CDK6: variants seen among roughly 807,000 people sequenced by gnomAD.
CDK6 encodes the protein cyclin dependent kinase 6.
Under a neutral mutation model 37.1 loss-of-function variants are expected in CDK6, and 6 were observed. The ratio of observed to expected loss-of-function variants is 0.16; its 90% confidence interval spans 0.09 to 0.32. CDK6 has a LOEUF of 0.32. CDK6 is among the 10% of genes least tolerant of loss of function. CDK6 has a pLI of 1.00. For missense variants in CDK6, 224 were observed against 418.9 expected (o/e 0.53, Z 4.06); for synonymous variants, 160 against 161.3 (o/e 0.99, Z 0.06).
intron 5 of CDK6, among the ~76,000 whole-genome samples, chr7:92,631,879 A>T (rs1421689561): frequency 6.6e-6 from 1 of 152,194 alleles, no homozygotes; most frequent in Non-Finnish European, 1.5e-5. Context: ...TAAGTGAGTC[A>T]AGTTTTCTCT....
intron 2 of CDK6, among the ~76,000 whole-genome samples, chr7:92,830,043 T>G (rs919764246): frequency 6.6e-6 from 1 of 152,210 alleles, no homozygotes; most frequent in African/African-American, 2.4e-5. Context: ...TCTCTATTGT[T>G]TTTAGTTCAG....
intron 4 of CDK6, among the ~76,000 whole-genome samples, chr7:92,680,014 C>T (rs985587285): frequency 2.6e-5 from 4 of 151,680 alleles, no homozygotes; most frequent in Admixed American, 6.6e-5. Flanking sequence ...CCATCGTGCC[C>T]GGCCATAATT....
intron 5 of CDK6, among the ~76,000 whole-genome samples, chr7:92,650,219 TACAC>T (rs1416180078): frequency 6.6e-6 from 1 of 152,216 alleles, no homozygotes; most frequent in African/African-American, 2.4e-5. Flanking sequence ...CACAGATACA[TACAC>T]ACTCATGTTT....
intron 4 of CDK6, among the ~76,000 whole-genome samples, chr7:92,704,812 T>G (rs1006530553): frequency 6.6e-6 from 1 of 152,210 alleles, no homozygotes; most frequent in Non-Finnish European, 1.5e-5. Context: ...ATATGACTCT[T>G]GGTACACATG....
At chr7:92,827,373 C>A (rs1169810345) in intron 2 of CDK6, among the ~76,000 whole-genome samples, 4 of 152,070 alleles carry the variant, frequency 2.6e-5, no homozygotes, top group Admixed American at 1.3e-4. Context: ...AGGAGATGGT[C>A]AAAAATGTTT....
chr7:92,714,651 T>C (rs1798181152), intron 4 of CDK6, among the ~76,000 whole-genome samples: 1 of 152,216 alleles, frequency 6.6e-6, no homozygotes, highest in South Asian at 2.1e-4. Context: ...GTCTTGATCT[T>C]TCATCCATTC....
At chr7:92,698,501 T>A (rs947086921) in intron 4 of CDK6, among the ~76,000 whole-genome samples, 1 of 152,190 alleles carries the variant, frequency 6.6e-6, no homozygotes, top group African/African-American at 2.4e-5. Context: ...TTCCCCCTTA[T>A]CTGTCCCTGT....
chr7:92,632,379 A>G (rs1796073001), intron 5 of CDK6, among the ~76,000 whole-genome samples: 1 of 152,212 alleles, frequency 6.6e-6, no homozygotes, highest in Admixed American at 6.6e-5. Context: ...ATTACAAATG[A>G]TCTAAAAATA....
chr7:92,740,867 C>A (rs1332373422), intron 3 of CDK6, among the ~76,000 whole-genome samples: 2 of 152,106 alleles, frequency 1.3e-5, no homozygotes, highest in African/African-American at 4.8e-5. Flanking sequence ...TCACCTCGTG[C>A]CCAGGTACAC....
Position 92,638,926 on chromosome 7 carries a change from AT to A in CDK6, c.648-15841del, listed in dbSNP as rs1796238181. Among the ~76,000 whole-genome samples, 3 of 152,032 alleles carry A rather than the reference AT, an allele frequency of 2.0e-5. No individual in the cohort carries two copies. The South Asian group carries it at 6.2e-4, about 32-fold the overall frequency. On this transcript the variant is annotated intron_variant, in intron 5 of 7. Coordinates refer to ENST00000424848, the MANE Select transcript of CDK6 (RefSeq NM_001145306.2). ...ATTTTTAGAAATAAATGTGAAAAAA[AT>A]GTAGATCTTAGAAACACTGCAATGT...
rs539060568 is a variant in CDK6 at position 92,739,430 on chromosome 7, C to A, written c.370-13637G>T. Among the ~76,000 whole-genome samples, 3 of 152,304 alleles carry A rather than the reference C, an allele frequency of 2.0e-5. No individual in the cohort carries two copies. The East Asian group carries it at 5.8e-4, about 29-fold the overall frequency. The stretch of plus-strand genomic sequence containing the variant: ...CTGTTCCAAAATAATAATACAGTTT[C>A]TTTACTCCCACCAAAACCTGTCCTT... On this transcript the variant is annotated intron_variant, in intron 3 of 7. Coordinates refer to ENST00000424848, the MANE Select transcript of CDK6 (RefSeq NM_001145306.2).
At chr7:92,758,019 T>G (rs894555729) in intron 3 of CDK6, among the ~76,000 whole-genome samples, 6 of 152,234 alleles carry the variant, frequency 3.9e-5, no homozygotes, top group African/African-American at 1.2e-4. Context: ...TAAATTTGTT[T>G]AATTTCCTTA....
intron 4 of CDK6, among the ~76,000 whole-genome samples, chr7:92,706,072 T>C (rs968498282): frequency 3.3e-5 from 5 of 152,232 alleles, no homozygotes; most frequent in African/African-American, 1.2e-4. Flanking sequence ...AAGAAGTGTA[T>C]GTTATCTGTG....
intron 7 of CDK6, among the ~76,000 whole-genome samples, chr7:92,615,910 T>C (rs1417518980): frequency 6.6e-6 from 1 of 152,182 alleles, no homozygotes; most frequent in Non-Finnish European, 1.5e-5. Flanking sequence ...GTAGCAGCAA[T>C]CTCTATTCCC....
At chr7:92,774,316 G>T (rs1247639900) in intron 3 of CDK6, among the ~76,000 whole-genome samples, 1 of 152,166 alleles carries the variant, frequency 6.6e-6, no homozygotes, top group African/African-American at 2.4e-5. Context: ...CATGAATAAT[G>T]TTCAAATTAT....
At position 92,610,140 on chromosome 7, in the gene CDK6, AGT is replaced by A. The variant is rs1795530793; in HGVS notation, c.*4998_*4999del. ...AACAAGAAAGCTCATCTCTTAGGACAGTGTGAATGTTTAGAAAGACTTTTGCA... is the reference window on the plus strand; with the variant it reads ...AACAAGAAAGCTCATCTCTTAGGACAGTGAATGTTTAGAAAGACTTTTGCA... On this transcript the variant is annotated 3_prime_UTR_variant, in exon 8 of 8. Coordinates refer to ENST00000424848, the MANE Select transcript of CDK6 (RefSeq NM_001145306.2). The A allele has an allele frequency of 4.3e-6, 1 of 231,306 alleles. No individual in the cohort carries two copies. The highest frequency in any genetic ancestry group is 8.6e-6 in the Non-Finnish European group (1 of 116,900). The allele number at this position is 231,306 out of a possible 1,614,324, so 14.3% of individuals were successfully genotyped here. A position where few individuals can be genotyped will look rare whatever the true frequency, so the allele number is the denominator to read the frequency against.
At chr7:92,677,753 T>C (rs982079190) in intron 4 of CDK6, among the ~76,000 whole-genome samples, 1 of 152,238 alleles carries the variant, frequency 6.6e-6, no homozygotes, top group Non-Finnish European at 1.5e-5. Context: ...GGCTGTTCTA[T>C]AATTTCTGAA....
At chr7:92,619,669 T>C (rs986207509) in intron 6 of CDK6, among the ~76,000 whole-genome samples, 9 of 151,784 alleles carry the variant, frequency 5.9e-5, no homozygotes, top group Non-Finnish European at 1.3e-4. Context: ...GCCCAGGCCA[T>C]AGACTTCAGC....
At chr7:92,781,259 C>T (rs903722695) in intron 2 of CDK6, among the ~76,000 whole-genome samples, 3 of 152,242 alleles carry the variant, frequency 2.0e-5, no homozygotes, top group Non-Finnish European at 2.9e-5. Flanking sequence ...CTCTTGCTGT[C>T]TCTATTGTCC....
Sources: gnomAD v4.1 joint callset for allele counts (sites outside exome capture counted in the v4.1 genomes callset) on GRCh38, gnomAD v4.1.1 for gene constraint, MANE v1.5 for transcripts, NCBI Gene and HGNC (gene_info 2026-07-23, HGNC 2026-07-21) for gene names.